The following PODXL2 variants were observed in gnomAD, a reference collection of about 807,000 sequenced individuals.
PODXL2 encodes the protein podocalyxin-like protein 2.
PODXL2 carries 17 observed loss-of-function variants against 53.4 expected under a neutral mutation model. The ratio of observed to expected loss-of-function variants is 0.32; its 90% CI spans 0.22 to 0.48. The LOEUF (loss-of-function observed/expected upper bound fraction) is 0.48. Among genes scored for constraint, PODXL2 ranks in the 20% least tolerant of loss-of-function variants. PODXL2 has a pLI of 0.99. For synonymous variants in PODXL2, 311 were observed against 306.7 expected, an observed-to-expected ratio of 1.01 and a Z score of -0.15; for missense variants, 673 against 760.0, an observed-to-expected ratio of 0.89 and a Z score of 1.35.
In PODXL2 at chr3:127,668,501, C is replaced by T. The variant is rs1308170975; in HGVS notation, c.1267C>T (p.Arg423Cys). Residue 423 changes from arginine (R) to cysteine (C), a missense_variant, in exon 5 of 8, where the codon CGC becomes TGC. Coordinates refer to ENST00000342480, the MANE Select transcript of PODXL2 (RefSeq NM_015720.4). ...LLALVEEVLP[R>C]HGSGHHGAWH... ...GGCCCTGGTGGAAGAGGTGCTGCCC[C>T]GCCATGGCAGTGGCCACCATGGGGC... 6.4e-7 allele frequency: 1 copy of T among 1,571,416 alleles called. No individual in the cohort carries two copies. Among genetic ancestry groups the T allele is most frequent in the South Asian group, 1.2e-5 (1 of 84,156 alleles).
chr3:127,671,371 AC>A (rs1362872853), intron 6 of PODXL2, 62 bp from the exon 7 acceptor site: 1 of 1,465,088 alleles, frequency 6.8e-7, no homozygotes, highest in Non-Finnish European at 9.5e-7. Flanking sequence ...CAATGCAACC[AC>A]CCCAGAGGAG....
At chr3:127,666,199 G>T (rs1559878921) in intron 4 of PODXL2, among the ~76,000 whole-genome samples, 1 of 152,196 alleles carries the variant, frequency 6.6e-6, no homozygotes. Context: ...TTTGGTAAAT[G>T]ATGTCAGGTA....
intron 7 of PODXL2, 31 bp downstream of exon 7, chr3:127,671,644 C>T (rs1427448023): frequency 5.0e-6 from 8 of 1,601,438 alleles, no homozygotes; most frequent in Non-Finnish European, 6.8e-6. Context: ...GGCTGGGGGC[C>T]AGTTGAGAGG....
intron 2 of PODXL2, among the ~76,000 whole-genome samples, chr3:127,641,756 T>C (rs2074622188): frequency 6.6e-6 from 1 of 151,752 alleles, no homozygotes. Flanking sequence ...CCTCAGGTGA[T>C]GTGCCCACCT....
chr3:127,664,121 G>T (rs897467315), intron 4 of PODXL2, among the ~76,000 whole-genome samples: 1 of 152,056 alleles, frequency 6.6e-6, no homozygotes, highest in East Asian at 1.9e-4. Context: ...CTGAAACTCT[G>T]TACCCATTAA....
rs143584641 is a variant in PODXL2, at chr3:127,660,470, A to G, written c.442A>G (p.Lys148Glu). 6,056 of 1,614,170 alleles carry G rather than the reference A, an allele frequency of 3.8e-3. 22 individuals are homozygous for G. The highest frequency in any genetic ancestry group is 4.6e-3 in the Non-Finnish European group (5,476 of 1,180,032). The change falls in exon 3 of 8, where the codon AAG becomes GAG. Residue 148 changes from lysine to glutamate, a missense_variant. Around this residue, in one of 3 missense-constraint regions of PODXL2, gnomAD observed 588 missense variants for 668.3 expected, o/e 0.88. Coordinates refer to ENST00000342480, the MANE Select transcript of PODXL2 (RefSeq NM_015720.4). The stretch of plus-strand genomic sequence containing the variant: ...GCCAAACCTCCCCTCTCCCTTGCCC[A>G]AGATGAATCTGGTTGAGCCTCCCTG... ...ELPNLPSPLP[K>E]MNLVEPPWHM...
intron 3 of PODXL2, 78 bp from the exon 4 acceptor site, chr3:127,662,159 C>T: frequency 7.9e-7 from 1 of 1,266,764 alleles, no homozygotes; most frequent in Non-Finnish European, 1.1e-6. Flanking sequence ...TCCCAAAAGG[C>T]CTCCGACCGG....
chr3:127,642,127 TAAA>T (rs1395996064), intron 2 of PODXL2, among the ~76,000 whole-genome samples: 1 of 151,620 alleles, frequency 6.6e-6, no homozygotes, highest in Admixed American at 6.6e-5. Flanking sequence ...CCGTCTCTAC[TAAA>T]AATACAAAAA....
In PODXL2 at chr3:127,661,059, C is replaced by T. The variant is rs1183842636; in HGVS notation, c.1031C>T (p.Thr344Ile). 1 of 1,614,224 alleles carries T rather than the reference C, an allele frequency of 6.2e-7. No individual in the cohort carries two copies. Among genetic ancestry groups the T allele is most frequent in the Non-Finnish European group, 8.5e-7 (1 of 1,180,030 alleles). Residue 344 changes from threonine (T) to isoleucine (I), a missense_variant, in exon 3 of 8, where the codon ACA becomes ATA. This residue lies in a region of PODXL2 where 588 missense variants were observed against 668.3 expected (regional missense o/e 0.88). Transcript: ENST00000342480. The stretch of plus-strand genomic sequence containing the variant: ...CTGGCCCCTGGAGACATGGAACTGA[C>T]ACCTTCCTCTGCTACCTTGGGACAA... The part of the protein sequence containing the change: ...SPLAPGDMEL[T>I]PSSATLGQED...
At chr3:127,652,301 A>C (rs557885254) in intron 2 of PODXL2, among the ~76,000 whole-genome samples, 1 of 152,266 alleles carries the variant, frequency 6.6e-6, no homozygotes, top group South Asian at 2.1e-4. Flanking sequence ...TGGAGACCCA[A>C]CTGTTCTGAG....
chr3:127,672,495 C>G lies in PODXL2; in HGVS notation c.*15C>G, dbSNP rs1436420547. The G allele has an allele frequency of 3.4e-6, 5 of 1,454,684 alleles. No homozygotes were observed. The South Asian group carries it at 6.7e-5, about 20-fold the overall frequency. 90.1% of individuals were successfully genotyped at this position (1,454,684 alleles called of 1,614,324 possible). On this transcript the variant is annotated 3_prime_UTR_variant, in exon 8 of 8. Transcript: ENST00000342480. ...CGCACCTGTGAGCGCAGCCGAGGCG[C>G]AGGCCGAGTGGGCCGCCAGGACCAA...
At chr3:127,633,352 G>T (rs2074558572) in intron 1 of PODXL2, among the ~76,000 whole-genome samples, 3 of 152,222 alleles carry the variant, frequency 2.0e-5, no homozygotes. Context: ...GCATCCACAA[G>T]ATGTTTTTGT....
chr3:127,660,250 T>C, intron 2 of PODXL2, 128 bp from the exon 3 acceptor site: 1 of 1,181,996 alleles, frequency 8.5e-7, no homozygotes, highest in Non-Finnish European at 1.2e-6. Flanking sequence ...CCCTGGCCTC[T>C]CCATCATGAC....
At chr3:127,630,030 G>A (rs1313971383) in intron 1 of PODXL2, among the ~76,000 whole-genome samples, 2 of 152,158 alleles carry the variant, frequency 1.3e-5, no homozygotes, top group Admixed American at 1.3e-4. Flanking sequence ...TGGGGGTGTG[G>A]CACAGGTGTG....
chr3:127,645,828 C>T (rs1356511842), intron 2 of PODXL2, among the ~76,000 whole-genome samples: 1 of 152,180 alleles, frequency 6.6e-6, no homozygotes, highest in Admixed American at 6.5e-5. Context: ...CTTGTCTGCT[C>T]TTGTGCCCCG....
chr3:127,648,787 CTTTTTTTTTTT>C (rs988325770), intron 2 of PODXL2, among the ~76,000 whole-genome samples: 1 of 97,854 alleles, frequency 1.0e-5, no homozygotes, highest in African/African-American at 4.0e-5. Context: ...TTTTGTATTT[CTTTTTTTTTTT>C]TTTTTTTTTT....
At chr3:127,669,313 C>T in intron 6 of PODXL2, 111 bp downstream of exon 6, 2 of 736,812 alleles carry the variant, frequency 2.7e-6, no homozygotes, top group Non-Finnish European at 4.6e-6. Context: ...GAGTATAAGA[C>T]AGAGCGTGCT....
At chr3:127,670,531 G>A (rs986231070) in intron 6 of PODXL2, among the ~76,000 whole-genome samples, 2 of 152,206 alleles carry the variant, frequency 1.3e-5, no homozygotes, top group Non-Finnish European at 2.9e-5. Context: ...GTCATGCTGG[G>A]TCTTTGGAAA....
Position 127,660,838 on chromosome 3 carries a change from G to C in PODXL2, c.810G>C (p.Leu270=). 1 of 1,614,244 alleles carries C rather than the reference G, an allele frequency of 6.2e-7. No individual in the cohort carries two copies. The highest frequency in any genetic ancestry group is 1.1e-5 in the South Asian group (1 of 91,090). The change falls in exon 3 of 8, where the codon CTG becomes CTC. Residue 270 remains leucine, a synonymous_variant. Transcript: ENST00000342480. ...STSQEAEATV[L]PAAGLGVEFE... ...GCCAAGAGGCAGAGGCCACAGTGCT[G>C]CCAGCTGCAGGGCTTGGGGTAGAGT...
Sources: allele counts gnomAD v4.1 joint callset (sites outside exome capture counted in the v4.1 genomes callset), GRCh38; gene constraint gnomAD v4.1.1; regional missense constraint gnomAD v4.1.1; transcripts MANE v1.5; gene names NCBI Gene and HGNC (gene_info 2026-07-23, HGNC 2026-07-21).